Variants in ZC3H14 observed in about 807,000 individuals in gnomAD.
The protein encoded by ZC3H14 is zinc finger CCCH domain-containing protein 14.
A neutral mutation model predicts 92.4 loss-of-function variants in ZC3H14; 31 were observed. The ratio of observed to expected loss-of-function variants is 0.34; its 90% confidence interval spans 0.25 to 0.45. The LOEUF is 0.45. Ranked by LOEUF, ZC3H14 falls within the 20% of genes least tolerant of loss-of-function variation. The pLI is 1.00. For synonymous variants in ZC3H14, 321 were observed against 300.9 expected (o/e 1.07, Z -0.69); for missense variants, 781 against 897.3 (o/e 0.87, Z 1.66).
chr14:88,569,560 T>C (rs968878101), intron 3 of ZC3H14, among the ~76,000 whole-genome samples: 3 of 152,066 alleles, frequency 2.0e-5, no homozygotes, highest in African/African-American at 7.2e-5. Context: ...TGGAGGATAA[T>C]GATGTAGCTG....
chr14:88,594,364 A>G lies in ZC3H14; in HGVS notation c.1280-2370A>G, dbSNP rs955177079. 3 of 1,035,454 alleles carry G rather than the reference A, an allele frequency of 2.9e-6. No individual in the cohort carries two copies. The African/African-American group carries it at 5.1e-5, about 18-fold the overall frequency. The allele number at this position is 1,035,454 out of a possible 1,614,324, so 64.1% of individuals were successfully genotyped here. A position where few individuals can be genotyped will look rare whatever the true frequency, so the allele number is the denominator to read the frequency against. ...GTGTGACACATGTCTGTTTTCAGCC[A>G]ATCAGAAACCAGGATTATTTTGTAT... On this transcript the variant is annotated intron_variant, in intron 9 of 16. Transcript: ENST00000251038.
chr14:88,618,335 T>C lies in ZC3H14; in HGVS notation c.*6584T>C. On this transcript the variant is annotated 3_prime_UTR_variant, in exon 17 of 17. Coordinates refer to ENST00000251038, the MANE Select transcript of ZC3H14 (RefSeq NM_024824.5). ...GTTTATAGCAGCCACTAGAGACCTTTTTCATCAGATTAAAATGGGACAAGA... is the reference window on the plus strand; with the variant it reads ...GTTTATAGCAGCCACTAGAGACCTTCTTCATCAGATTAAAATGGGACAAGA... The C allele has an allele frequency of 1.9e-6, 3 of 1,612,460 alleles. No individual in the cohort carries two copies. Among genetic ancestry groups the C allele is most frequent in the Non-Finnish European group, 1.7e-6 (2 of 1,179,082 alleles).
intron 2 of ZC3H14, 134 bp from the exon 3 acceptor site, chr14:88,567,905 A>G (rs2079909977): frequency 1.3e-6 from 1 of 746,112 alleles, no homozygotes; most frequent in Non-Finnish European, 2.4e-6. Flanking sequence ...AAGCTAAGCC[A>G]TCTTGTCCAA....
At chr14:88,594,477 C>A (rs535701617) in intron 9 of ZC3H14, 2 of 1,319,202 alleles carry the variant, frequency 1.5e-6, no homozygotes, top group African/African-American at 1.5e-5. Context: ...TTAGTTGTAG[C>A]GAAGAGCAAT....
Position 88,622,532 on chromosome 14 carries a change from AGG to A in ZC3H14, c.*10783_*10784del. 3 of 1,204,492 alleles carry A rather than the reference AGG, an allele frequency of 2.5e-6. No homozygotes were observed. The highest frequency in any genetic ancestry group is 3.4e-6 in the Non-Finnish European group (3 of 871,344). 74.6% of individuals were successfully genotyped at this position (1,204,492 alleles called of 1,614,324 possible). On this transcript the variant is annotated 3_prime_UTR_variant, in exon 17 of 17. Coordinates refer to ENST00000251038, the MANE Select transcript of ZC3H14 (RefSeq NM_024824.5). ...TTAAGTATTGTTCATTAGGCTGCAA[AGG>A]GTGAGGGAATCACAGTAATAACCAC... is the stretch of plus-strand genomic sequence containing the variant.
chr14:88,607,432 T>C, intron 13 of ZC3H14, 69 bp downstream of exon 13: 1 of 1,384,268 alleles, frequency 7.2e-7, no homozygotes, highest in Non-Finnish European at 9.5e-7. Flanking sequence ...GCAAGTACCA[T>C]CCCCCATCTC....
intron 9 of ZC3H14, among the ~76,000 whole-genome samples, chr14:88,595,657 G>GT (rs1279506674): frequency 5.9e-5 from 9 of 152,158 alleles, no homozygotes; most frequent in Non-Finnish European, 1.0e-4. Context: ...TATAACTTAT[G>GT]TTTTAAAGGA....
chr14:88,627,466 C>T lies in ZC3H14; in HGVS notation c.*15715C>T, dbSNP rs2090084189. 1 of 558,232 alleles carries T rather than the reference C, an allele frequency of 1.8e-6. No homozygotes were observed. Among genetic ancestry groups the T allele is most frequent in the African/African-American group, 1.9e-5 (1 of 52,580 alleles). The allele number at this position is 558,232 out of a possible 1,614,324, so 34.6% of individuals were successfully genotyped here. On this transcript the variant is annotated 3_prime_UTR_variant, in exon 17 of 17. Coordinates refer to ENST00000251038, the MANE Select transcript of ZC3H14 (RefSeq NM_024824.5). ...TTAATTTATCTGTTTTGTGAGGTTA[C>T]AGTTCCACTGGGCTTTTAAAGTGAA...
intron 3 of ZC3H14, among the ~76,000 whole-genome samples, chr14:88,569,084 C>T (rs2080071872): frequency 6.6e-6 from 1 of 152,112 alleles, no homozygotes; most frequent in African/African-American, 2.4e-5. Context: ...CCTGGATGCT[C>T]TTGAACTCCT....
intron 2 of ZC3H14, among the ~76,000 whole-genome samples, chr14:88,564,553 A>G (rs543577112): frequency 6.6e-6 from 1 of 152,340 alleles, no homozygotes; most frequent in Admixed American, 6.5e-5. Context: ...TCTGAAGTCA[A>G]AACTGTTTTC....
intron 13 of ZC3H14, chr14:88,608,546 G>A: frequency 4.0e-6 from 1 of 248,338 alleles, no homozygotes; most frequent in Non-Finnish European, 7.9e-6. Context: ...AGGGTGGGGG[G>A]GCTTTGTTTG....
At chr14:88,599,478 C>A (rs531059238) in intron 10 of ZC3H14, among the ~76,000 whole-genome samples, 189 of 152,242 alleles carry the variant, frequency 1.2e-3, no homozygotes, top group African/African-American at 4.5e-3. Context: ...CTTACTCCCC[C>A]GTCTGTCTGG....
At chr14:88,610,777 T>C (rs2086534966) in intron 15 of ZC3H14, 57 bp from the exon 16 acceptor site, 1 of 1,516,338 alleles carries the variant, frequency 6.6e-7, no homozygotes, top group Non-Finnish European at 9.2e-7. Flanking sequence ...AATAAAATAA[T>C]GTGTTTACTT....
In ZC3H14 at chr14:88,625,203, A is replaced by C; in HGVS notation, c.*13452A>C. ...AGTTTAAATAGATAATTTTCTATGT[A>C]TGTGTAATGCTGTCTCACCCTTGAT... On this transcript the variant is annotated 3_prime_UTR_variant, in exon 17 of 17. Coordinates refer to ENST00000251038, the MANE Select transcript of ZC3H14 (RefSeq NM_024824.5). The C allele has an allele frequency of 6.6e-7, 1 of 1,512,846 alleles. No homozygotes were observed. The highest frequency in any genetic ancestry group is 1.3e-5 in the South Asian group (1 of 78,664). 93.7% of individuals were successfully genotyped at this position (1,512,846 alleles called of 1,614,324 possible).
In ZC3H14 at chr14:88,614,064, A is replaced by G. The variant is rs1204526695; in HGVS notation, c.*2313A>G. On this transcript the variant is annotated 3_prime_UTR_variant, in exon 17 of 17. Coordinates refer to ENST00000251038, the MANE Select transcript of ZC3H14 (RefSeq NM_024824.5). The stretch of plus-strand genomic sequence containing the variant: ...ATGTAGTTTACATGCTTAAGGTTAC[A>G]GAGTTTCTACCTGCACTGTAATGGA... 2.0e-5 allele frequency: 3 copies of G among 152,218 alleles called. No homozygotes were observed. The highest frequency in any genetic ancestry group is 2.9e-5 in the Non-Finnish European group (2 of 68,034). The allele number at this position is 152,218 out of a possible 1,614,324, so 9.4% of individuals were successfully genotyped here.
rs760749362 is a variant in ZC3H14, at chr14:88,602,961, A to T, written c.1648A>T (p.Thr550Ser). 2 of 1,614,078 alleles carry T rather than the reference A, an allele frequency of 1.2e-6. No individual in the cohort carries two copies. Among genetic ancestry groups the T allele is most frequent in the Non-Finnish European group, 1.7e-6 (2 of 1,180,010 alleles). Residue 550 changes from threonine (T) to serine (S), a missense_variant, in exon 12 of 17, where the codon ACT becomes TCT. Thr to Ser is a moderately conservative substitution (Grantham distance 58, BLOSUM62 1). Around this residue, in one of 3 missense-constraint regions of ZC3H14, gnomAD observed 221 missense variants for 304.7 expected, o/e 0.73. Coordinates refer to ENST00000251038, the MANE Select transcript of ZC3H14 (RefSeq NM_024824.5). ...CFEGMKPVNQ[T>S]AASNKGLRGL... ...TGAAGGAATGAAACCCGTAAACCAA[A>T]CTGCAGCCTCAAACAAGGGACTCAG...
At chr14:88,594,701 A>C (rs2083567148) in intron 9 of ZC3H14, 3 of 1,613,536 alleles carry the variant, frequency 1.9e-6, no homozygotes, top group African/African-American at 2.7e-5. Context: ...TTTTATGAAA[A>C]TGTCTTTGAG....
Position 88,620,975 on chromosome 14 carries a change from A to G in ZC3H14, c.*9224A>G, listed in dbSNP as rs776946710. 1 of 1,475,994 alleles carries G rather than the reference A, an allele frequency of 6.8e-7. No individual in the cohort carries two copies. Among genetic ancestry groups the G allele is most frequent in the East Asian group, 2.5e-5 (1 of 40,428 alleles). The allele number at this position is 1,475,994 out of a possible 1,614,324, so 91.4% of individuals were successfully genotyped here. A position where few individuals can be genotyped will look rare whatever the true frequency, so the allele number is the denominator to read the frequency against. Reference sequence around the variant, plus strand: ...AAGAGTCATAGGAAACATTAAGTGAAGTACTTCTAAATTATACCAGTTTCC... The same window carrying G: ...AAGAGTCATAGGAAACATTAAGTGAGGTACTTCTAAATTATACCAGTTTCC... On this transcript the variant is annotated 3_prime_UTR_variant, in exon 17 of 17. Coordinates refer to ENST00000251038, the MANE Select transcript of ZC3H14 (RefSeq NM_024824.5). This position sits in a 1 kb window ranked among gnomAD's most constrained non-coding sequence, Gnocchi z 4.3.
At position 88,625,051 on chromosome 14, in the gene ZC3H14, G is replaced by A. The variant is rs777283646; in HGVS notation, c.*13300G>A. On this transcript the variant is annotated 3_prime_UTR_variant, in exon 17 of 17. Transcript: ENST00000251038. ...AAACACAGGCCCGTTGTGAGCTCTC[G>A]CCACGATTCTACACAATATGTGATC... The A allele has an allele frequency of 2.7e-5, 43 of 1,612,450 alleles. No individual in the cohort carries two copies. Among genetic ancestry groups the A allele is most frequent in the Admixed American group, 5.0e-5 (3 of 59,892 alleles).
Sources: allele counts gnomAD v4.1 joint callset (sites outside exome capture counted in the v4.1 genomes callset), GRCh38; gene constraint gnomAD v4.1.1; regional missense constraint gnomAD v4.1.1; non-coding constraint Gnocchi (gnomAD v3.1); transcripts MANE v1.5; gene names NCBI Gene and HGNC (gene_info 2026-07-23, HGNC 2026-07-21).